Variants in DOCK10 observed in about 807,000 individuals in gnomAD.
DOCK10 encodes dedicator of cytokinesis protein 10.
Under a neutral mutation model 280.1 loss-of-function variants are expected in DOCK10, and 145 were observed. The ratio of observed to expected loss-of-function variants is 0.52; its 90% CI spans 0.45 to 0.59. DOCK10 has a LOEUF of 0.59. DOCK10 is among the 20% of genes least tolerant of loss of function. The pLI, the probability that DOCK10 is intolerant of heterozygous loss-of-function variation, is 0.00. For missense variants in DOCK10, 2,368 were observed against 2,651.7 expected, an observed-to-expected ratio of 0.89 and a Z score of 2.35; for synonymous variants, 915 against 942.2, an observed-to-expected ratio of 0.97 and a Z score of 0.53.
In DOCK10 at chr2:224,820,381, G is replaced by A. The variant is rs1231519786; in HGVS notation, c.3184-852C>T. ...AGGCAAAGTGTGGAGCAGGAGGAAG[G>A]GACCATAGTTCCCAACGCAGGATCT... On this transcript the variant is annotated intron_variant, in intron 28 of 55. Transcript: ENST00000258390. Among the ~76,000 whole-genome samples, 4 of 152,204 alleles carry A rather than the reference G, an allele frequency of 2.6e-5. No homozygotes were observed. In the East Asian group the frequency reaches 7.7e-4, roughly 29 times the overall value.
intron 55 of DOCK10, among the ~76,000 whole-genome samples, chr2:224,767,515 TCTATGTTTTTTTAAAGA>T (rs1264826298): frequency 6.6e-6 from 1 of 152,242 alleles, no homozygotes; most frequent in Middle Eastern, 3.4e-3. Context: ...GTAGACAACT[TCTATGTTTTTTTAAAGA>T]CTATGTTTTT....
chr2:224,990,528 A>G (rs1706097014), intron 1 of DOCK10, among the ~76,000 whole-genome samples: 3 of 151,894 alleles, frequency 2.0e-5, no homozygotes, highest in Admixed American at 2.0e-4. Flanking sequence ...TTACTGGAAA[A>G]GAGAAAATCT....
intron 1 of DOCK10, among the ~76,000 whole-genome samples, chr2:224,976,258 G>A (rs1705433608): frequency 6.6e-6 from 1 of 152,032 alleles, no homozygotes; most frequent in South Asian, 2.1e-4. Context: ...AGGGGAGGGA[G>A]AGCATTAGGA....
intron 1 of DOCK10, among the ~76,000 whole-genome samples, chr2:225,035,542 TTATATATATATATA>T (rs57424275): frequency 0.066 from 3,311 of 50,026 alleles, 319 homozygotes; most frequent in African/African-American, 0.18. Flanking sequence ...ATGATATATA[TTATATATATATATA>T]TATATATATA....
chr2:224,987,973 G>A (rs1398327676), intron 1 of DOCK10, among the ~76,000 whole-genome samples: 1 of 152,092 alleles, frequency 6.6e-6, no homozygotes, highest in Non-Finnish European at 1.5e-5. Flanking sequence ...TAGTATCTGC[G>A]GTAAAATGGA....
At chr2:224,850,354 G>T (rs1217002586) in intron 18 of DOCK10, among the ~76,000 whole-genome samples, 2 of 152,034 alleles carry the variant, frequency 1.3e-5, no homozygotes, top group Non-Finnish European at 2.9e-5. Flanking sequence ...CAAATACACT[G>T]TTGAAGAAGT....
intron 7 of DOCK10, among the ~76,000 whole-genome samples, chr2:224,884,429 G>A (rs978886873): frequency 6.6e-6 from 1 of 152,202 alleles, no homozygotes; most frequent in East Asian, 1.9e-4. Context: ...CTGGACCTCA[G>A]TGAGCCAGTG....
chr2:225,028,332 C>T (rs13383610), intron 1 of DOCK10, among the ~76,000 whole-genome samples: 23,231 of 152,124 alleles, frequency 0.15, 2,480 homozygotes, highest in Non-Finnish European at 0.21. Flanking sequence ...CCTCTAGAAG[C>T]TGGCAATAGA....
intron 1 of DOCK10, among the ~76,000 whole-genome samples, chr2:224,945,504 G>T (rs1285389669): frequency 6.6e-6 from 1 of 152,094 alleles, no homozygotes; most frequent in African/African-American, 2.4e-5. Context: ...ACACTCCTGA[G>T]ATAGAAACTG....
chr2:224,837,726 A>T, intron 25 of DOCK10, 36 bp downstream of exon 25: 1 of 1,562,368 alleles, frequency 6.4e-7, no homozygotes, highest in Non-Finnish European at 8.8e-7. Context: ...ACACAGCACA[A>T]GGGGATATGA....
At chr2:224,789,938 G>A (rs540996321) in intron 47 of DOCK10, among the ~76,000 whole-genome samples, 26 of 152,104 alleles carry the variant, frequency 1.7e-4, no homozygotes, top group South Asian at 6.2e-4. Context: ...CCGCCACCAC[G>A]CCCAGCTAAT....
At chr2:224,997,246 C>G (rs1276558137) in intron 1 of DOCK10, among the ~76,000 whole-genome samples, 2 of 141,534 alleles carry the variant, frequency 1.4e-5, no homozygotes, top group African/African-American at 5.2e-5. Flanking sequence ...TTCCTTCTTC[C>G]TTTCTTTCGG....
intron 3 of DOCK10, among the ~76,000 whole-genome samples, chr2:224,897,910 C>A (rs1276430819): frequency 6.6e-6 from 1 of 152,110 alleles, no homozygotes; most frequent in African/African-American, 2.4e-5. Context: ...TTTTGAGACT[C>A]CTTTCTATTC....
chr2:224,823,334 T>C (rs1694631718), intron 28 of DOCK10, among the ~76,000 whole-genome samples, 167 bp downstream of exon 28: 2 of 151,948 alleles, frequency 1.3e-5, no homozygotes, highest in South Asian at 4.1e-4. Context: ...AAAAAAAAAA[T>C]TAAAAAGTAT....
chr2:224,914,175 C>T (rs1020370850), intron 3 of DOCK10, among the ~76,000 whole-genome samples: 2 of 152,138 alleles, frequency 1.3e-5, no homozygotes, highest in African/African-American at 4.8e-5. Context: ...CCACTCTTCC[C>T]CAGAGACTTT....
chr2:224,874,404 G>T, intron 9 of DOCK10, 55 bp from the exon 10 acceptor site: 2 of 1,379,530 alleles, frequency 1.4e-6, no homozygotes, highest in South Asian at 1.2e-5. Flanking sequence ...TACAGCCCCT[G>T]ACACATCCAC....
chr2:225,007,871 G>C (rs1297736771), intron 1 of DOCK10, among the ~76,000 whole-genome samples: 1 of 152,134 alleles, frequency 6.6e-6, no homozygotes, highest in Non-Finnish European at 1.5e-5. Flanking sequence ...CTTAAAAATG[G>C]TCATGTAAAA....
In DOCK10 at chr2:225,033,835, G is replaced by A. The variant is rs183011837; in HGVS notation, c.123+8417C>T. Among the ~76,000 whole-genome samples the A allele has an allele frequency of 2.0e-5, 3 of 152,152 alleles. No individual in the cohort carries two copies. The East Asian group carries it at 5.8e-4, about 29-fold the overall frequency. ...AGATGTAATGTTGCAACCCAACCACGCCCCCCAACCTCATGCTTATCTTGC... is the reference window on the plus strand; with the variant it reads ...AGATGTAATGTTGCAACCCAACCACACCCCCCAACCTCATGCTTATCTTGC... On this transcript the variant is annotated intron_variant, in intron 1 of 55. Coordinates refer to ENST00000258390, the MANE Select transcript of DOCK10 (RefSeq NM_014689.3).
chr2:224,909,449 T>C (rs898200630), intron 3 of DOCK10, among the ~76,000 whole-genome samples: 9 of 152,152 alleles, frequency 5.9e-5, no homozygotes, highest in African/African-American at 2.2e-4. Flanking sequence ...TATTTAAAGA[T>C]GGAAAAACTA....
Sources: allele counts gnomAD v4.1 joint callset (sites outside exome capture counted in the v4.1 genomes callset), GRCh38; gene constraint gnomAD v4.1.1; transcripts MANE v1.5; gene names NCBI Gene and HGNC (gene_info 2026-07-23, HGNC 2026-07-21).